CTNNA2: variants seen among roughly 807,000 people sequenced by gnomAD.
CTNNA2 encodes catenin alpha 2, also known as catenin alpha-2.
CTNNA2 carries 42 observed loss-of-function variants against 101.0 expected under a neutral mutation model. That is an observed-to-expected ratio of 0.42 (90% CI 0.32 to 0.54). The LOEUF is 0.54. CTNNA2 is among the 20% of genes least tolerant of loss of function. The pLI, the probability that CTNNA2 is intolerant of heterozygous loss-of-function variation, is 0.14. For synonymous variants in CTNNA2, 450 were observed against 456.4 expected, an observed-to-expected ratio of 0.99 and a Z score of 0.18; for missense variants, 871 against 1,223.1, an observed-to-expected ratio of 0.71 and a Z score of 4.29.
intron 7 of CTNNA2, among the ~76,000 whole-genome samples, chr2:80,048,734 G>A (rs965403979): frequency 6.6e-6 from 1 of 152,204 alleles, no homozygotes; most frequent in Admixed American, 6.5e-5. Context: ...CAATAAATAT[G>A]CAGGAGGGAA....
At chr2:80,520,850 C>T (rs1427489196) in intron 9 of CTNNA2, among the ~76,000 whole-genome samples, 1 of 152,220 alleles carries the variant, frequency 6.6e-6, no homozygotes, top group African/African-American at 2.4e-5. Context: ...TTGGCCTACA[C>T]TGCCAGAGTT....
At position 79,957,412 on chromosome 2, in the gene CTNNA2, G is replaced by T. The variant is rs116787892; in HGVS notation, c.1056+47615G>T. On this transcript the variant is annotated intron_variant, in intron 7 of 18. Transcript: ENST00000402739. ...GCACCAGCAGGAGATGGAGGAGGGC[G>T]CAAGGAGAGAGAACACAGTACTTCT... Among the ~76,000 whole-genome samples the T allele has an allele frequency of 3.3e-3, 495 of 152,254 alleles. 2 individuals are homozygous for T. The highest frequency in any genetic ancestry group is 0.011 in the African/African-American group (440 of 41,540).
chr2:79,315,359 A>G (rs888455165), intron 3 of CTNNA2, among the ~76,000 whole-genome samples: 9 of 152,180 alleles, frequency 5.9e-5, no homozygotes, highest in African/African-American at 2.2e-4. Flanking sequence ...GAACATTTTC[A>G]TTACAACCAA....
intron 1 of CTNNA2, among the ~76,000 whole-genome samples, chr2:79,647,258 G>A (rs531199682): frequency 2.0e-4 from 31 of 152,190 alleles, no homozygotes; most frequent in African/African-American, 7.2e-4. Context: ...TTTAATGAGT[G>A]TTTACCTGTT....
chr2:80,199,162 CAG>C (rs1707033180), intron 7 of CTNNA2, among the ~76,000 whole-genome samples: 1 of 107,444 alleles, frequency 9.3e-6, no homozygotes, highest in Non-Finnish European at 1.7e-5. Flanking sequence ...GCCTGGGAGA[CAG>C]AGTGAGACTC....
intron 4 of CTNNA2, among the ~76,000 whole-genome samples, chr2:79,499,947 G>C (rs1038449070): frequency 6.6e-6 from 1 of 152,104 alleles, no homozygotes; most frequent in African/African-American, 2.4e-5. Context: ...GACAGCCGAC[G>C]GTACAGACAA....
intron 18 of CTNNA2, among the ~76,000 whole-genome samples, chr2:80,639,259 G>T (rs1034095402): frequency 2.0e-5 from 3 of 152,144 alleles, no homozygotes; most frequent in African/African-American, 7.2e-5. Flanking sequence ...ACCCAGGGTG[G>T]AGTGCAGTGG....
At chr2:80,320,660 G>A (rs1678590838) in intron 7 of CTNNA2, among the ~76,000 whole-genome samples, 2 of 152,152 alleles carry the variant, frequency 1.3e-5, no homozygotes, top group South Asian at 4.1e-4. Context: ...TAGACTGAGT[G>A]ATTAATATCT....
At chr2:79,271,426 G>A (rs1402387028) in intron 2 of CTNNA2, among the ~76,000 whole-genome samples, 1 of 152,082 alleles carries the variant, frequency 6.6e-6, no homozygotes, top group Non-Finnish European at 1.5e-5. Flanking sequence ...CTGATAGCGA[G>A]AGAGCTGTTT....
chr2:79,530,005 GAA>G (rs908025976), intron 1 of CTNNA2, among the ~76,000 whole-genome samples: 29 of 152,000 alleles, frequency 1.9e-4, no homozygotes, highest in African/African-American at 7.0e-4. Context: ...CTGGTGATGA[GAA>G]GAGACTGTGG....
At chr2:80,484,331 A>T (rs557176002) in intron 9 of CTNNA2, among the ~76,000 whole-genome samples, 1 of 152,200 alleles carries the variant, frequency 6.6e-6, no homozygotes, top group Non-Finnish European at 1.5e-5. Flanking sequence ...ATATGTGGGC[A>T]TGTACCCGAT....
intron 3 of CTNNA2, among the ~76,000 whole-genome samples, chr2:79,373,517 C>T (rs1484059784): frequency 6.6e-6 from 1 of 152,084 alleles, no homozygotes; most frequent in African/African-American, 2.4e-5. Flanking sequence ...TATCAGCTTG[C>T]ATTTTTCAAG....
At chr2:80,001,775 A>G (rs2103963664) in intron 7 of CTNNA2, among the ~76,000 whole-genome samples, 1 of 152,324 alleles carries the variant, frequency 6.6e-6, no homozygotes, top group African/African-American at 2.4e-5. Context: ...CCCCACTGCT[A>G]CCAGGACAGT....
chr2:80,020,202 C>T (rs1187519244), intron 7 of CTNNA2, among the ~76,000 whole-genome samples: 1 of 152,094 alleles, frequency 6.6e-6, no homozygotes, highest in East Asian at 1.9e-4. Flanking sequence ...CATCAAGCAG[C>T]AATGTTAAGT....
chr2:80,552,364 A>C (rs532054374), intron 11 of CTNNA2, among the ~76,000 whole-genome samples: 1 of 152,356 alleles, frequency 6.6e-6, no homozygotes, highest in South Asian at 2.1e-4. Flanking sequence ...TGTGATACAC[A>C]ATAAAACAAG....
chr2:79,825,155 C>T (rs1678325024), intron 3 of CTNNA2, among the ~76,000 whole-genome samples: 1 of 152,172 alleles, frequency 6.6e-6, no homozygotes, highest in Admixed American at 6.6e-5. Flanking sequence ...TGCCACTGCA[C>T]TCCGACCAGG....
At chr2:80,017,858 T>C (rs1694265756) in intron 7 of CTNNA2, among the ~76,000 whole-genome samples, 1 of 151,720 alleles carries the variant, frequency 6.6e-6, no homozygotes, top group African/African-American at 2.4e-5. Flanking sequence ...TAGTGCTACC[T>C]ACTAGGAGAT....
At chr2:79,401,800 CA>C (rs1413363814) in intron 4 of CTNNA2, among the ~76,000 whole-genome samples, 1 of 151,044 alleles carries the variant, frequency 6.6e-6, no homozygotes, top group African/African-American at 2.4e-5. Context: ...ACACTTTATT[CA>C]AAAGAAAATA....
At chr2:79,505,088 A>G (rs1174776250) in exon 5 of CTNNA2, 1 of 152,318 alleles carries the variant, frequency 6.6e-6, no homozygotes, top group Non-Finnish European at 1.5e-5. Context: ...TTCAAGGACC[A>G]TGGGTTCTGC....
Sources: gnomAD v4.1 joint callset for allele counts (sites outside exome capture counted in the v4.1 genomes callset) on GRCh38, gnomAD v4.1.1 for gene constraint, MANE v1.5 for transcripts, NCBI Gene and HGNC (gene_info 2026-07-23, HGNC 2026-07-21) for gene names.